NCOA7: variants seen among roughly 807,000 people sequenced by gnomAD.
NCOA7 encodes nuclear receptor coactivator 7.
NCOA7 carries 45 observed loss-of-function variants against 104.3 expected under a neutral mutation model. That is an observed-to-expected ratio of 0.43 (90% confidence interval 0.34 to 0.55). NCOA7 has a LOEUF of 0.55. NCOA7 is among the 20% of genes least tolerant of loss of function. The probability of loss-of-function intolerance (pLI) is 0.02; values close to 1 mark genes in which losing one functional copy is unlikely to be tolerated. For synonymous variants in NCOA7, 398 were observed against 402.3 expected (o/e 0.99, Z 0.13); for missense variants, 1,041 against 1,119.7 (o/e 0.93, Z 1.00).
At chr6:125,882,894 A>G (rs2128648966) in intron 7 of NCOA7, among the ~76,000 whole-genome samples, 2 of 152,170 alleles carry the variant, frequency 1.3e-5, no homozygotes, top group South Asian at 4.2e-4. Flanking sequence ...CTACCCACTA[A>G]CTCTGAGACC....
rs536271018 is a variant in NCOA7, at chr6:125,871,195, A to G, written c.272-3694A>G. 2.0e-5 allele frequency among the ~76,000 whole-genome samples: 3 copies of G among 152,284 alleles called. No homozygotes were observed. In the East Asian group the frequency reaches 5.8e-4, roughly 29 times the overall value. On this transcript the variant is annotated intron_variant, in intron 3 of 15. Coordinates refer to ENST00000392477, the MANE Select transcript of NCOA7 (RefSeq NM_181782.5). ...GGTAGGTAGAAAGGTCTGTGAGGAGACCTGAAGTTGGAAAGGTCAGTGTCA... is the reference window on the plus strand; with the variant it reads ...GGTAGGTAGAAAGGTCTGTGAGGAGGCCTGAAGTTGGAAAGGTCAGTGTCA...
In NCOA7 at chr6:125,890,717, G is replaced by A; in HGVS notation, c.2003G>A (p.Arg668Lys). Reference sequence around the variant, plus strand: ...TGCATCAAAGTGGGAAAACCAATGAGAAAATCCTTTGCCACTCACACTGCA... The same window carrying A: ...TGCATCAAAGTGGGAAAACCAATGAAAAAATCCTTTGCCACTCACACTGCA... ...FLCIKVGKPM[R>K]KSFATHTAAM... is the part of the protein sequence containing the mutation. The change falls in exon 10 of 16, where the codon AGA becomes AAA. Residue 668 changes from arginine (R) to lysine (K), a missense_variant. Transcript: ENST00000392477. 6.2e-7 allele frequency: 1 copy of A among 1,613,844 alleles called. No homozygotes were observed. Among genetic ancestry groups the A allele is most frequent in the African/African-American group, 1.3e-5 (1 of 74,998 alleles).
intron 13 of NCOA7, among the ~76,000 whole-genome samples, chr6:125,925,316 A>G (rs539078720): frequency 6.6e-6 from 1 of 152,366 alleles, no homozygotes; most frequent in South Asian, 2.1e-4. Flanking sequence ...CATGAAGGCA[A>G]CAAATTAAAC....
chr6:125,882,557 T>TAGCA lies in NCOA7; in HGVS notation c.699+8_699+11dup. On this transcript the variant is annotated splice_region_variant and intron_variant, in intron 7 of 15. Coordinates refer to ENST00000392477, the MANE Select transcript of NCOA7 (RefSeq NM_181782.5). ...GATACTTCACCGATGGAAAGGTATATAGCAATGTAATTTGTTTCCTTTCCT... is the reference window on the plus strand; with the variant it reads ...GATACTTCACCGATGGAAAGGTATATAGCAAGCAATGTAATTTGTTTCCTTTCCT... 1 of 1,610,550 alleles carries TAGCA rather than the reference T, an allele frequency of 6.2e-7. No individual in the cohort carries two copies. Among genetic ancestry groups the TAGCA allele is most frequent in the Admixed American group, 1.7e-5 (1 of 59,414 alleles).
chr6:125,920,301 G>T (rs1282321366), intron 11 of NCOA7, among the ~76,000 whole-genome samples: 1 of 152,134 alleles, frequency 6.6e-6, no homozygotes, highest in Admixed American at 6.5e-5. Flanking sequence ...TAACAGAAGT[G>T]GTTTCTATGT....
At chr6:125,808,191 A>T (rs1404128711) in intron 1 of NCOA7, among the ~76,000 whole-genome samples, 1 of 151,680 alleles carries the variant, frequency 6.6e-6, no homozygotes, top group Non-Finnish European at 1.5e-5. Flanking sequence ...TGGCTTGCAC[A>T]TCCTCATTCT....
At chr6:125,785,063 T>C (rs1441461197) in intron 1 of NCOA7, among the ~76,000 whole-genome samples, 5 of 151,932 alleles carry the variant, frequency 3.3e-5, no homozygotes, top group Non-Finnish European at 7.4e-5. Context: ...CCTGGCTGGA[T>C]GCGGTGGCTC....
intron 2 of NCOA7, among the ~76,000 whole-genome samples, chr6:125,831,687 C>T (rs887000361): frequency 8.5e-5 from 13 of 152,114 alleles, no homozygotes; most frequent in African/African-American, 2.9e-4. Context: ...TTGGACTAGA[C>T]CTGTTTTCTC....
intron 11 of NCOA7, among the ~76,000 whole-genome samples, chr6:125,916,875 A>G (rs1787133115): frequency 6.6e-6 from 1 of 151,958 alleles, no homozygotes; most frequent in Non-Finnish European, 1.5e-5. Context: ...TAAACTCTTC[A>G]CTCAATCTGT....
At chr6:125,842,153 C>T (rs1156971866) in intron 2 of NCOA7, among the ~76,000 whole-genome samples, 1 of 152,128 alleles carries the variant, frequency 6.6e-6, no homozygotes, top group Non-Finnish European at 1.5e-5. Flanking sequence ...CTATGTTTCC[C>T]TTACGAGGCT....
At chr6:125,859,999 G>A (rs1271257800) in intron 3 of NCOA7, among the ~76,000 whole-genome samples, 1 of 152,178 alleles carries the variant, frequency 6.6e-6, no homozygotes, top group Non-Finnish European at 1.5e-5. Flanking sequence ...AGGAAGCAGA[G>A]TGATTACATT....
chr6:125,877,707 T>A (rs1015051524), intron 4 of NCOA7, among the ~76,000 whole-genome samples: 2 of 152,230 alleles, frequency 1.3e-5, no homozygotes, highest in African/African-American at 4.8e-5. Context: ...TGAACAATTA[T>A]TGGTAGCTAA....
chr6:125,812,362 A>G (rs1358042987), intron 1 of NCOA7, among the ~76,000 whole-genome samples: 2 of 152,170 alleles, frequency 1.3e-5, no homozygotes, highest in Admixed American at 1.3e-4. Flanking sequence ...AGTATTATTC[A>G]TTGGACAGCC....
intron 10 of NCOA7, among the ~76,000 whole-genome samples, chr6:125,904,374 C>T (rs1415996849): frequency 6.6e-6 from 1 of 152,148 alleles, no homozygotes; most frequent in African/African-American, 2.4e-5. Flanking sequence ...GCCTGGGTAT[C>T]CTGCATCTCT....
At chr6:125,884,394 T>C (rs1418837113) in intron 7 of NCOA7, among the ~76,000 whole-genome samples, 2 of 152,198 alleles carry the variant, frequency 1.3e-5, no homozygotes, top group Non-Finnish European at 2.9e-5. Flanking sequence ...CTACAAAACT[T>C]TTTACTGAGA....
At position 125,922,720 on chromosome 6, in the gene NCOA7, A is replaced by G. The variant is rs116729299; in HGVS notation, c.2409A>G (p.Pro803=). 6.9e-4 allele frequency: 1,112 copies of G among 1,613,962 alleles called. 10 individuals are homozygous for G. In the African/African-American group the frequency reaches 0.013, roughly 20 times the overall value. Residue 803 remains proline, a synonymous_variant, in exon 13 of 16, where the codon CCA becomes CCG. Transcript: ENST00000392477. ...TTCCTGCAAGGGTGCAAGGGTATCC[A>G]TGGAGACTGGCCTATAGCACGTTAG... ...RRLPARVQGY[P]WRLAYSTLEH...
At chr6:125,843,688 T>C (rs1172443251) in intron 2 of NCOA7, among the ~76,000 whole-genome samples, 1 of 152,192 alleles carries the variant, frequency 6.6e-6, no homozygotes, top group Admixed American at 6.5e-5. Context: ...CACAACACAA[T>C]TCTCTTATTA....
intron 2 of NCOA7, among the ~76,000 whole-genome samples, chr6:125,836,663 A>T (rs1036658042): frequency 1.3e-5 from 2 of 152,244 alleles, no homozygotes; most frequent in Non-Finnish European, 2.9e-5. Flanking sequence ...TTATTCCAAC[A>T]TTACAAATGT....
At chr6:125,785,044 C>G (rs536743872) in intron 1 of NCOA7, among the ~76,000 whole-genome samples, 1 of 151,882 alleles carries the variant, frequency 6.6e-6, no homozygotes, top group Non-Finnish European at 1.5e-5. Flanking sequence ...GTACATAAAA[C>G]TGGTGAAACC....
Sources: allele counts gnomAD v4.1 joint callset (sites outside exome capture counted in the v4.1 genomes callset), GRCh38; gene constraint gnomAD v4.1.1; transcripts MANE v1.5; gene names NCBI Gene and HGNC (gene_info 2026-07-23, HGNC 2026-07-21).